Variants in GNL3L observed in about 807,000 individuals in gnomAD.
GNL3L encodes the protein G protein nucleolar 3 like.
A neutral mutation model predicts 42.9 loss-of-function variants in GNL3L; 4 were observed. That is an observed-to-expected ratio of 0.09 (90% CI 0.05 to 0.21). The LOEUF (loss-of-function observed/expected upper bound fraction) is 0.21, where lower values mean the gene tolerates loss of function less well. Among genes scored for constraint, GNL3L ranks in the 10% least tolerant of loss-of-function variants. The probability of loss-of-function intolerance (pLI) is 1.00; values close to 1 mark genes in which losing one functional copy is unlikely to be tolerated. For synonymous variants in GNL3L, 159 were observed against 176.3 expected (o/e 0.90, Z 0.78); for missense variants, 412 against 481.7 (o/e 0.86, Z 1.36).
the GNL3L span, among the ~76,000 whole-genome samples, chrX:54,633,512 A>G: frequency 8.0e-4 from 89 of 111,600 alleles, 2 homozygotes; most frequent in African/African-American, 2.8e-3. Flanking sequence ...TTGTAGAGAA[A>G]GACCATCAGG....
At chrX:54,553,628 C>T (rs917691882) in intron 13 of GNL3L, among the ~76,000 whole-genome samples, 4 of 111,509 alleles carry the variant, frequency 3.6e-5, no homozygotes, top group African/African-American at 9.8e-5. Context: ...CAATCTCTGC[C>T]TCCTGGGGTC....
chrX:54,562,794 GAAA>G lies in GNL3L; in HGVS notation c.*2205_*2207del, dbSNP rs375010796. ...GGGGACAGAGTGAGACTTCGTCTCG[GAAA>G]AAAAAAAAAAAAGTTGACAGGATGG... On this transcript the variant is annotated 3_prime_UTR_variant, in exon 16 of 16. Coordinates refer to ENST00000360845, the MANE Select transcript of GNL3L (RefSeq NM_001184819.2). Among the ~76,000 whole-genome samples, 2 of 94,430 alleles carry G rather than the reference GAAA, an allele frequency of 2.1e-5. No homozygotes were observed. Among genetic ancestry groups the G allele is most frequent in the Non-Finnish European group, 4.3e-5 (2 of 46,738 alleles). The allele number at this position is 94,430 out of a possible 115,157, so 82.0% of individuals were successfully genotyped here. A position where few individuals can be genotyped will look rare whatever the true frequency, so the allele number is the denominator to read the frequency against.
intron 4 of GNL3L, 39 bp downstream of exon 4, chrX:54,540,281 C>A: frequency 1.2e-6 from 1 of 868,419 alleles, no homozygotes; most frequent in Non-Finnish European, 1.7e-6. Flanking sequence ...GAGGGCCTGC[C>A]TTGAATGCCA....
chrX:54,572,641 C>A (rs1344348623), intron 16 of GNL3L, among the ~76,000 whole-genome samples: 1 of 108,162 alleles, frequency 9.2e-6, no homozygotes, highest in Non-Finnish European at 1.9e-5. Flanking sequence ...GGGGCTGACC[C>A]CCCCACCTCC....
chrX:54,608,264 T>C (rs1000514389), intron 16 of GNL3L, among the ~76,000 whole-genome samples: 29 of 111,942 alleles, frequency 2.6e-4, no homozygotes, highest in African/African-American at 8.8e-4. Flanking sequence ...TATTTTTAAA[T>C]TGCTTTTATA....
In GNL3L at chrX:54,542,936, C is replaced by A. The variant is rs766469132; in HGVS notation, c.307-19C>A. 6 of 1,050,237 alleles carry A rather than the reference C, an allele frequency of 5.7e-6. No homozygotes were observed. The Middle Eastern group carries it at 7.5e-4, about 131-fold the overall frequency. 86.6% of individuals were successfully genotyped at this position (1,050,237 alleles called of 1,213,427 possible). A position where few individuals can be genotyped will look rare whatever the true frequency, so the allele number is the denominator to read the frequency against. On this transcript the variant is annotated intron_variant, in intron 5 of 15. Transcript: ENST00000360845. ...TCCCCCTCCTCCCCTGGACCATTCT[C>A]TTTTTTTTTCTCCTTTAGGAGGAAG...
chrX:54,626,771 T>C, the GNL3L span, among the ~76,000 whole-genome samples: 1 of 111,966 alleles, frequency 8.9e-6, no homozygotes, highest in African/African-American at 3.2e-5. Flanking sequence ...ATTAGTGATG[T>C]TGAGCATTTT....
At position 54,562,228 on chromosome X, in the gene GNL3L, T is replaced by C. The variant is rs1925291490; in HGVS notation, c.*1626T>C. Among the ~76,000 whole-genome samples, 1 of 112,071 alleles carries C rather than the reference T, an allele frequency of 8.9e-6. No homozygotes were observed. The highest frequency in any genetic ancestry group is 1.9e-5 in the Non-Finnish European group (1 of 53,207). ...GCCTGGCTAGTTTTTGTATTTTTAG[T>C]AGAGACGATGTTTCACCATGTTGAC... On this transcript the variant is annotated 3_prime_UTR_variant, in exon 16 of 16. Coordinates refer to ENST00000360845, the MANE Select transcript of GNL3L (RefSeq NM_001184819.2).
chrX:54,599,740 A>T (rs1329778732), intron 16 of GNL3L, among the ~76,000 whole-genome samples: 2 of 109,160 alleles, frequency 1.8e-5, no homozygotes, highest in African/African-American at 6.7e-5. Flanking sequence ...GGCTCTCTTC[A>T]TTTTTCTGAG....
At chrX:54,538,269 G>T (rs1924505423) in intron 2 of GNL3L, among the ~76,000 whole-genome samples, 1 of 111,188 alleles carries the variant, frequency 9.0e-6, no homozygotes, top group Non-Finnish European at 1.9e-5. Flanking sequence ...TGATGTGATT[G>T]TGGAGCCTGT....
intron 16 of GNL3L, among the ~76,000 whole-genome samples, chrX:54,580,845 A>G (rs5961089): frequency 0.13 from 14,541 of 111,909 alleles, 1,394 homozygotes; most frequent in African/African-American, 0.34. Context: ...CAGTGGCACA[A>G]TCTCGGCTCA....
chrX:54,582,907 T>C (rs1925735766), intron 16 of GNL3L, among the ~76,000 whole-genome samples: 1 of 112,432 alleles, frequency 8.9e-6, no homozygotes, highest in South Asian at 3.6e-4. Context: ...CTCTAATGGC[T>C]AATGTTGTTG....
Position 54,606,998 on chromosome X carries a change from T to TCC in GNL3L, c.*46-13847_*46-13846insCC, listed in dbSNP as rs1569542563. On this transcript the variant is annotated intron_variant, in intron 16 of 16. Transcript: ENST00000674498. ...TTTTCTTTCTTTCCTTTCCTTTCCT[T>TCC]TCTTTCTTTCTTTCTTTCTTTCTTT... is the stretch of plus-strand genomic sequence containing the variant. Among the ~76,000 whole-genome samples the TCC allele has an allele frequency of 1.0e-3, 17 of 16,621 alleles. 1 individual carries two copies. Among genetic ancestry groups the TCC allele is most frequent in the South Asian group, 3.1e-3 (1 of 327 alleles). The allele number at this position is 16,621 out of a possible 115,157, so 14.4% of individuals were successfully genotyped here.
chrX:54,636,205 T>C, the GNL3L span, among the ~76,000 whole-genome samples: 3 of 112,044 alleles, frequency 2.7e-5, no homozygotes, highest in Non-Finnish European at 5.6e-5. Context: ...CACAACAATA[T>C]GCAAATAAGG....
At chrX:54,585,044 A>G (rs1399109589) in intron 16 of GNL3L, among the ~76,000 whole-genome samples, 4 of 112,067 alleles carry the variant, frequency 3.6e-5, no homozygotes, top group Non-Finnish European at 7.5e-5. Flanking sequence ...TCGGCCTCCC[A>G]AAGTGTTGGG....
At chrX:54,608,368 T>C (rs757036382) in intron 16 of GNL3L, among the ~76,000 whole-genome samples, 1 of 111,903 alleles carries the variant, frequency 8.9e-6, no homozygotes, top group Admixed American at 9.5e-5. Context: ...TTTTTATTTT[T>C]CCATAAGTTA....
intron 1 of GNL3L, among the ~76,000 whole-genome samples, chrX:54,531,251 C>T (rs1447946991): frequency 1.8e-5 from 2 of 110,163 alleles, no homozygotes; most frequent in Admixed American, 1.9e-4. Context: ...CCCCTACCTC[C>T]CCCTACCTCC....
In GNL3L at chrX:54,539,071, C is replaced by G. The variant is rs753264280; in HGVS notation, c.51C>G (p.Gly17=). ...AAAAGCCAGGTGAAGGTTCCAAGGG[C>G]CACAAGAAGATAAGTTGGCCCTACC... ...KNKKPGEGSK[G]HKKISWPYPQ... The change falls in exon 3 of 16, where the codon GGC becomes GGG. Residue 17 remains glycine, a synonymous_variant. Coordinates refer to ENST00000360845, the MANE Select transcript of GNL3L (RefSeq NM_001184819.2). 2 of 1,162,467 alleles carry G rather than the reference C, an allele frequency of 1.7e-6. No individual in the cohort carries two copies. Among genetic ancestry groups the G allele is most frequent in the Admixed American group, 4.6e-5 (2 of 43,923 alleles).
Position 54,607,060 on chromosome X carries a change from C to CTT in GNL3L, c.*46-13783_*46-13782dup, listed in dbSNP as rs750526438. On this transcript the variant is annotated intron_variant, in intron 16 of 16. Coordinates refer to the GNL3L transcript ENST00000674498. ...TCTTTCTTTCTTTCTTTCTTTCTTT[C>CTT]TTTCTTTCTTTCTCTTTCTTTCTTC... Among the ~76,000 whole-genome samples, 64 of 37,546 alleles carry CTT rather than the reference C, an allele frequency of 1.7e-3. 4 individuals are homozygous for CTT. Among genetic ancestry groups the CTT allele is most frequent in the African/African-American group, 7.7e-3 (63 of 8,198 alleles). The allele number at this position is 37,546 out of a possible 115,157, so 32.6% of individuals were successfully genotyped here.
Sources: allele counts gnomAD v4.1 joint callset (sites outside exome capture counted in the v4.1 genomes callset), GRCh38; gene constraint gnomAD v4.1.1; transcripts MANE v1.5; gene names NCBI Gene and HGNC (gene_info 2026-07-23, HGNC 2026-07-21).